Variants in NKAIN2 observed in about 807,000 individuals in gnomAD.
NKAIN2 encodes the protein sodium/potassium transporting ATPase interacting 2.
NKAIN2 carries 14 observed loss-of-function variants against 32.6 expected under a neutral mutation model. That is an observed-to-expected ratio of 0.43 (90% CI 0.28 to 0.67). The LOEUF (loss-of-function observed/expected upper bound fraction) is 0.67. NKAIN2 is among the 30% of genes least tolerant of loss of function. The pLI is 0.17. For missense variants in NKAIN2, 198 were observed against 258.3 expected (o/e 0.77, Z 1.60); for synonymous variants, 80 against 87.2 (o/e 0.92, Z 0.46).
chr6:124,280,180 A>AG (rs1180895048), intron 1 of NKAIN2, among the ~76,000 whole-genome samples: 1 of 152,196 alleles, frequency 6.6e-6, no homozygotes, highest in East Asian at 1.9e-4. Flanking sequence ...TACATTAAAG[A>AG]GGTCCCCATG....
chr6:124,609,905 T>C (rs1315540634), intron 3 of NKAIN2, among the ~76,000 whole-genome samples: 1 of 152,174 alleles, frequency 6.6e-6, no homozygotes, highest in Non-Finnish European at 1.5e-5. Context: ...CCTTTGTCTT[T>C]GCAATAGAGA....
intron 3 of NKAIN2, among the ~76,000 whole-genome samples, chr6:124,647,561 T>C (rs1312880628): frequency 7.3e-6 from 1 of 137,924 alleles, no homozygotes; most frequent in Admixed American, 7.5e-5. Flanking sequence ...TGAAACTGGG[T>C]GGTGGGTATA....
chr6:124,130,671 G>A (rs1786428472), intron 1 of NKAIN2, among the ~76,000 whole-genome samples: 1 of 150,676 alleles, frequency 6.6e-6, no homozygotes, highest in Non-Finnish European at 1.5e-5. Flanking sequence ...ACTTAAGATC[G>A]ATCTTCATGC....
chr6:123,828,254 C>G (rs1163003029), intron 1 of NKAIN2, among the ~76,000 whole-genome samples: 1 of 152,094 alleles, frequency 6.6e-6, no homozygotes, highest in African/African-American at 2.4e-5. Flanking sequence ...CTCTGTATTA[C>G]CTGGTCCAGT....
chr6:124,589,739 C>T (rs1364402648), intron 3 of NKAIN2, among the ~76,000 whole-genome samples: 1 of 152,058 alleles, frequency 6.6e-6, no homozygotes, highest in African/African-American at 2.4e-5. Context: ...TATACATGTG[C>T]CATGGTGGTT....
At chr6:124,736,250 G>C (rs758555489) in intron 4 of NKAIN2, among the ~76,000 whole-genome samples, 5 of 151,932 alleles carry the variant, frequency 3.3e-5, no homozygotes, top group Admixed American at 2.6e-4. Context: ...AGGTGAGGAA[G>C]CTGCAGAAGA....
intron 1 of NKAIN2, among the ~76,000 whole-genome samples, chr6:124,178,669 A>T (rs184463711): frequency 1.1e-4 from 16 of 152,312 alleles, no homozygotes; most frequent in African/African-American, 3.6e-4. Flanking sequence ...GCCACATGTG[A>T]TGCATGAGGA....
chr6:123,874,689 A>G (rs71574838), intron 1 of NKAIN2, among the ~76,000 whole-genome samples: 3,991 of 152,264 alleles, frequency 0.026, 79 homozygotes, highest in Middle Eastern at 0.072. Context: ...ATTATGTGAA[A>G]AAGGGTTCAT....
At chr6:124,230,497 G>A (rs557381490) in intron 1 of NKAIN2, among the ~76,000 whole-genome samples, 21 of 152,152 alleles carry the variant, frequency 1.4e-4, no homozygotes, top group African/African-American at 2.9e-4. Context: ...TCTTTAGGGC[G>A]TGTCAGAGCC....
chr6:124,473,436 GT>G (rs1397276634), intron 3 of NKAIN2, among the ~76,000 whole-genome samples: 2 of 152,014 alleles, frequency 1.3e-5, no homozygotes, highest in South Asian at 4.1e-4. Flanking sequence ...TACAGATTGT[GT>G]TTTTTTAATT....
intron 4 of NKAIN2, among the ~76,000 whole-genome samples, chr6:124,747,082 G>T (rs577082581): frequency 6.6e-6 from 1 of 151,930 alleles, no homozygotes; most frequent in African/African-American, 2.4e-5. Context: ...TCCTGTTTAT[G>T]ATACTAAATT....
At chr6:124,547,079 G>T (rs1387382853) in intron 3 of NKAIN2, among the ~76,000 whole-genome samples, 1 of 148,764 alleles carries the variant, frequency 6.7e-6, no homozygotes, top group Non-Finnish European at 1.5e-5. Context: ...GAACATCAAG[G>T]TTTTTTTTTT....
chr6:124,795,961 A>G (rs1476759736), intron 5 of NKAIN2, among the ~76,000 whole-genome samples: 2 of 151,902 alleles, frequency 1.3e-5, no homozygotes, highest in Non-Finnish European at 2.9e-5. Flanking sequence ...GTTTTTTTCC[A>G]TTGAAAAAAA....
In NKAIN2 at chr6:124,688,134, T is replaced by A. The variant is rs535990625; in HGVS notation, c.474+29748T>A. Among the ~76,000 whole-genome samples the A allele has an allele frequency of 6.5e-4, 99 of 152,198 alleles. 2 individuals carry two copies. The East Asian group carries it at 0.011, about 17-fold the overall frequency. Reference sequence around the variant, plus strand: ...TAACACTGAGTTTCTGTTAATTTACTTTTTTTCTGCTGTTCTGCAAGCGTT... The same window carrying A: ...TAACACTGAGTTTCTGTTAATTTACATTTTTTCTGCTGTTCTGCAAGCGTT... On this transcript the variant is annotated intron_variant, in intron 4 of 6. Transcript: ENST00000368417.
chr6:124,157,237 G>A (rs1391606190), intron 1 of NKAIN2, among the ~76,000 whole-genome samples: 1 of 145,802 alleles, frequency 6.9e-6, no homozygotes, highest in Non-Finnish European at 1.5e-5. Context: ...ACGGTGGGAG[G>A]TGTGTCATAA....
chr6:124,755,752 C>G (rs1777938605), intron 4 of NKAIN2, among the ~76,000 whole-genome samples: 1 of 152,112 alleles, frequency 6.6e-6, no homozygotes, highest in East Asian at 1.9e-4. Context: ...GAAAAAATAA[C>G]TAATGGGCAC....
chr6:124,635,248 C>G (rs1394820799), intron 3 of NKAIN2, among the ~76,000 whole-genome samples: 1 of 151,820 alleles, frequency 6.6e-6, no homozygotes, highest in Admixed American at 6.6e-5. Flanking sequence ...AGTTCTTTAT[C>G]TTAAAGTTAA....
chr6:124,533,488 A>AAAAAAAAAAAAAAC (rs1779604580), intron 3 of NKAIN2, among the ~76,000 whole-genome samples: 1 of 149,022 alleles, frequency 6.7e-6, no homozygotes, highest in African/African-American at 2.5e-5. Flanking sequence ...AAAAAAAAAA[A>AAAAAAAAAAAAAAC]AAATCCTGCT....
At chr6:124,113,367 T>A (rs1785470958) in intron 1 of NKAIN2, among the ~76,000 whole-genome samples, 1 of 152,156 alleles carries the variant, frequency 6.6e-6, no homozygotes, top group South Asian at 2.1e-4. Context: ...AGCTAGTTGT[T>A]TAGGAAGCCC....
Sources: allele counts gnomAD v4.1 joint callset (sites outside exome capture counted in the v4.1 genomes callset), GRCh38; gene constraint gnomAD v4.1.1; transcripts MANE v1.5; gene names NCBI Gene and HGNC (gene_info 2026-07-23, HGNC 2026-07-21).